POLR1B: variants seen among roughly 807,000 people sequenced by gnomAD.
POLR1B encodes the protein DNA-directed RNA polymerase I subunit RPA2.
POLR1B carries 30 observed loss-of-function variants against 105.8 expected under a neutral mutation model. The observed-to-expected ratio is 0.28, with a 90% CI of 0.21 to 0.38. The LOEUF (loss-of-function observed/expected upper bound fraction) is 0.38. Among genes scored for constraint, POLR1B ranks in the 10% least tolerant of loss-of-function variants. The pLI is 1.00. For missense variants in POLR1B, 976 were observed against 1,435.8 expected (o/e 0.68, Z 5.17); for synonymous variants, 485 against 505.1 (o/e 0.96, Z 0.53).
Position 112,578,411 on chromosome 2 carries a change from T to C in POLR1B, c.*2682T>C, listed in dbSNP as rs2104590793. On this transcript the variant is annotated 3_prime_UTR_variant, in exon 15 of 15. Transcript: ENST00000263331. ...TCTTATTTCAAGAATCTTACGTAAA[T>C]AGGATCACGAAGTATAACCTTTGAG... is the stretch of plus-strand genomic sequence containing the variant. Among the ~76,000 whole-genome samples the C allele has an allele frequency of 6.6e-6, 1 of 152,336 alleles. No homozygotes were observed. The highest frequency in any genetic ancestry group is 2.1e-4 in the South Asian group (1 of 4,832).
In POLR1B at chr2:112,560,208, A is replaced by C. The variant is rs367794796; in HGVS notation, c.1612+634A>C. Among the ~76,000 whole-genome samples the C allele has an allele frequency of 3.9e-5, 6 of 152,278 alleles. No homozygotes were observed. The East Asian group carries it at 9.6e-4, about 24-fold the overall frequency. On this transcript the variant is annotated intron_variant, in intron 9 of 14. Coordinates refer to ENST00000263331, the MANE Select transcript of POLR1B (RefSeq NM_019014.6). ...TGAGCTGTGATTGTGCCGCTGCTGC[A>C]CTTTAGACTGGGTGAGAAAGTGAGA... is the stretch of plus-strand genomic sequence containing the variant.
chr2:112,573,761 C>T lies in POLR1B; in HGVS notation c.2471C>T (p.Pro824Leu), dbSNP rs1391819300. The part of the protein sequence containing the change: ...FIGAKLQYGD[P>L]YYSYLNLNTG... Reference sequence around the variant, plus strand: ...GGAGCAAAACTGCAGTACGGAGATCCGTATTACAGCTACCTCAACCTCAAC... The same window carrying T: ...GGAGCAAAACTGCAGTACGGAGATCTGTATTACAGCTACCTCAACCTCAAC... The change falls in exon 14 of 15, where the codon CCG becomes CTG. Residue 824 changes from proline to leucine, a missense_variant. By Grantham distance (98) the Pro-to-Leu change is moderately conservative (BLOSUM62 -3). Around this residue, in one of 12 missense-constraint regions of POLR1B, gnomAD observed 119 missense variants for 149.7 expected, o/e 0.79. Coordinates refer to ENST00000263331, the MANE Select transcript of POLR1B (RefSeq NM_019014.6). 1.9e-6 allele frequency: 3 copies of T among 1,614,078 alleles called. No individual in the cohort carries two copies. The highest frequency in any genetic ancestry group is 1.3e-5 in the African/African-American group (1 of 74,940).
Position 112,542,535 on chromosome 2 carries a change from C to G in POLR1B, c.41C>G (p.Pro14Arg). The G allele has an allele frequency of 2.5e-6, 4 of 1,614,158 alleles. No individual in the cohort carries two copies. Among genetic ancestry groups the G allele is most frequent in the Non-Finnish European group, 2.5e-6 (3 of 1,180,042 alleles). ...CGGTGGCGGAACCTGCCCAGCGGGC[C>G]TAGCCTAAAGCACTTGACTGACCCC... is the stretch of plus-strand genomic sequence containing the variant. ...GSRWRNLPSG[P>R]SLKHLTDPSY... Residue 14 changes from proline to arginine, a missense_variant, in exon 1 of 15, where the codon CCT (proline) becomes CGT (arginine). Transcript: ENST00000263331.
In POLR1B at chr2:112,559,666, T is replaced by G. The variant is rs148428909; in HGVS notation, c.1612+92T>G. The G allele has an allele frequency of 4.9e-3, 7,119 of 1,465,082 alleles. 28 individuals are homozygous for G. Among genetic ancestry groups the G allele is most frequent in the Middle Eastern group, 0.014 (73 of 5,170 alleles). The allele number at this position is 1,465,082 out of a possible 1,614,324, so 90.8% of individuals were successfully genotyped here. ...TTTGTTTTGAGATGGAGTGTTGCTA[T>G]GTCGCCCAGGCTGGAGTGCAGTGGC... On this transcript the variant is annotated intron_variant, in intron 9 of 14. Transcript: ENST00000263331.
At position 112,547,404 on chromosome 2, in the gene POLR1B, C is replaced by A. The variant is rs770519481; in HGVS notation, c.346-17C>A. 1.2e-6 allele frequency: 2 copies of A among 1,606,578 alleles called. No individual in the cohort carries two copies. Among genetic ancestry groups the A allele is most frequent in the South Asian group, 2.2e-5 (2 of 89,674 alleles). On this transcript the variant is annotated splice_polypyrimidine_tract_variant and intron_variant, in intron 2 of 14. Transcript: ENST00000263331. The stretch of plus-strand genomic sequence containing the variant: ...AGATATTTCTGTTAAGTAACTTTTT[C>A]TCTTGTTTTCATTTAGGCTGATATC...
At chr2:112,542,277 CTGGA>C, upstream of POLR1B, 2 of 1,533,026 alleles carry the variant, frequency 1.3e-6, no homozygotes, top group Non-Finnish European at 1.7e-6. Context: ...CACGCTCTGG[CTGGA>C]CACGGCCTTA....
chr2:112,560,768 G>C (rs1328084750), intron 9 of POLR1B, among the ~76,000 whole-genome samples: 1 of 152,082 alleles, frequency 6.6e-6, no homozygotes, highest in Non-Finnish European at 1.5e-5. Context: ...CCCAATTAGA[G>C]TGGCCTGGCC....
chr2:112,552,834 C>G lies in POLR1B; in HGVS notation c.1158+18C>G. 3.9e-6 allele frequency: 6 copies of G among 1,519,796 alleles called. No individual in the cohort carries two copies. Among genetic ancestry groups the G allele is most frequent in the Non-Finnish European group, 5.3e-6 (6 of 1,131,176 alleles). The allele number at this position is 1,519,796 out of a possible 1,614,324, so 94.1% of individuals were successfully genotyped here. ...TCCTGAAGGTAAATGCATGCTATGT[C>G]CACCCTTGGCCAGTGGTACCACTTG... On this transcript the variant is annotated intron_variant, in intron 7 of 14. Coordinates refer to ENST00000263331, the MANE Select transcript of POLR1B (RefSeq NM_019014.6).
chr2:112,572,468 CTGATGGAT>C, intron 12 of POLR1B, 86 bp from the exon 13 acceptor site: 1 of 876,370 alleles, frequency 1.1e-6, no homozygotes. Flanking sequence ...TCATTTTCCT[CTGATGGAT>C]ATTTAGTTGT....
intron 5 of POLR1B, 85 bp downstream of exon 5, chr2:112,551,087 T>C: frequency 7.4e-7 from 1 of 1,345,948 alleles, no homozygotes; most frequent in Non-Finnish European, 1.1e-6. Context: ...TTCTCCTTGT[T>C]AAAATAATAC....
Position 112,577,759 on chromosome 2 carries a change from TGGAAGG to T in POLR1B, c.*2031_*2036del, listed in dbSNP as rs1684931273. Among the ~76,000 whole-genome samples the T allele has an allele frequency of 7.6e-6, 1 of 130,732 alleles. No individual in the cohort carries two copies. Among genetic ancestry groups the T allele is most frequent in the Non-Finnish European group, 1.6e-5 (1 of 64,336 alleles). 85.8% of individuals were successfully genotyped at this position (130,732 alleles called of 152,430 possible). ...CTGAGGTGGGAGAATCTCCTGAGCC[TGGAAGG>T]TCCAGGCAGTGAGCCAAGATTGTGC... On this transcript the variant is annotated 3_prime_UTR_variant, in exon 15 of 15. Transcript: ENST00000263331.
chr2:112,545,785 G>A (rs929043861), intron 1 of POLR1B: 18 of 353,890 alleles, frequency 5.1e-5, no homozygotes, highest in African/African-American at 1.8e-4. Flanking sequence ...GACCACAGGC[G>A]TGCACCACTA....
At chr2:112,543,212 T>C (rs115309977) in intron 1 of POLR1B, among the ~76,000 whole-genome samples, 3,625 of 151,972 alleles carry the variant, frequency 0.024, 133 homozygotes, top group African/African-American at 0.08. Flanking sequence ...TAGCGTAGAG[T>C]AATGGTAGCA....
At chr2:112,564,240 C>A in intron 9 of POLR1B, 126 bp from the exon 10 acceptor site, 1 of 1,129,452 alleles carries the variant, frequency 8.9e-7, no homozygotes, top group South Asian at 1.9e-5. Context: ...ATGCCTGTAC[C>A]TGTTTTAGAG....
Position 112,574,924 on chromosome 2 carries a change from G to A in POLR1B, c.2603G>A (p.Cys868Tyr). ...GGGAGTGGAAAATTCAAGTGTGTTT[G>A]CATCACTATGAGAGTGCCTCGGAAC... is the stretch of plus-strand genomic sequence containing the variant. ...DTGSGKFKCV[C>Y]ITMRVPRNPT... is the part of the protein sequence containing the mutation. The change falls in exon 15 of 15, where the codon TGC (cysteine) becomes TAC (tyrosine). Residue 868 changes from cysteine to tyrosine, a missense_variant. Physicochemically the swap from Cys to Tyr is radical, Grantham distance 194 (BLOSUM62 -2). Coordinates refer to ENST00000263331, the MANE Select transcript of POLR1B (RefSeq NM_019014.6). 1 of 1,614,086 alleles carries A rather than the reference G, an allele frequency of 6.2e-7. No individual in the cohort carries two copies. Among genetic ancestry groups the A allele is most frequent in the African/African-American group, 1.3e-5 (1 of 75,006 alleles).
At chr2:112,559,617 G>C (rs758570775) in intron 9 of POLR1B, 43 bp downstream of exon 9, 2 of 1,577,676 alleles carry the variant, frequency 1.3e-6, no homozygotes, top group South Asian at 2.3e-5. Context: ...GGTTATGTGG[G>C]TTTTTTTGTG....
intron 4 of POLR1B, among the ~76,000 whole-genome samples, chr2:112,549,968 A>G (rs1253188575): frequency 6.6e-6 from 1 of 152,252 alleles, no homozygotes; most frequent in Admixed American, 6.5e-5. Context: ...CCTTGAATAT[A>G]TATGATTTTT....
intron 4 of POLR1B, 73 bp downstream of exon 4, chr2:112,549,472 T>A: frequency 7.3e-6 from 8 of 1,101,756 alleles, no homozygotes; most frequent in Non-Finnish European, 8.7e-6. Flanking sequence ...AGTAGATGCA[T>A]CCAAATGGTC....
chr2:112,568,108 AAAG>A lies in POLR1B; in HGVS notation c.1893_1895del (p.Glu632del). On this transcript the variant is annotated inframe_deletion, in exon 11 of 15. Coordinates refer to ENST00000263331, the MANE Select transcript of POLR1B (RefSeq NM_019014.6). Reference sequence around the variant, plus strand: ...GCCTGTGCAGAACTTAGCATTGGGCAAAGAAGAGCTAATTGGAACTATGGAACA... The same window carrying A: ...GCCTGTGCAGAACTTAGCATTGGGCAAAGAGCTAATTGGAACTATGGAACA... The A allele has an allele frequency of 6.2e-7, 1 of 1,614,136 alleles. No homozygotes were observed. The highest frequency in any genetic ancestry group is 8.5e-7 in the Non-Finnish European group (1 of 1,179,954).
Sources: allele counts gnomAD v4.1 joint callset (sites outside exome capture counted in the v4.1 genomes callset), GRCh38; gene constraint gnomAD v4.1.1; regional missense constraint gnomAD v4.1.1; transcripts MANE v1.5; gene names NCBI Gene and HGNC (gene_info 2026-07-23, HGNC 2026-07-21).